Variants in ABTB2 observed in about 807,000 individuals in gnomAD.
ABTB2 encodes the protein ankyrin repeat and BTB domain containing 2, also known as ankyrin repeat and BTB/POZ domain-containing protein 2.
A neutral mutation model predicts 104.1 loss-of-function variants in ABTB2; 56 were observed. The observed-to-expected ratio is 0.54, with a 90% CI of 0.43 to 0.67. The LOEUF (loss-of-function observed/expected upper bound fraction) is 0.67. Among genes scored for constraint, ABTB2 ranks in the 30% least tolerant of loss-of-function variants. The probability of loss-of-function intolerance (pLI) is 0.00; values close to 1 mark genes in which losing one functional copy is unlikely to be tolerated. For synonymous variants in ABTB2, 606 were observed against 608.2 expected (o/e 1.00, Z 0.05); for missense variants, 1,279 against 1,407.7 (o/e 0.91, Z 1.46).
intron 3 of ABTB2, among the ~76,000 whole-genome samples, chr11:34,183,584 C>T (rs10836158): frequency 0.33 from 49,859 of 152,044 alleles, 9,442 homozygotes; most frequent in East Asian, 0.81. Flanking sequence ...CTCCTGCTCA[C>T]CCCCTCAGAA....
chr11:34,198,852 G>A (rs1406522175), intron 2 of ABTB2, among the ~76,000 whole-genome samples: 4 of 152,192 alleles, frequency 2.6e-5, no homozygotes, highest in South Asian at 2.1e-4. Context: ...CAGCTCCTTC[G>A]GGGTCAGCTT....
chr11:34,204,529 T>C lies in ABTB2; in HGVS notation c.1030+15A>G, dbSNP rs779644519. ...GTTGCTCTACCATCCAGCTAGACAC[T>C]GAGGCCACACTTACTCAGCTCCGAG... On this transcript the variant is annotated intron_variant, in intron 2 of 16. Transcript: ENST00000435224. 2.5e-6 allele frequency: 4 copies of C among 1,589,242 alleles called. No individual in the cohort carries two copies. The highest frequency in any genetic ancestry group is 3.5e-5 in the Admixed American group (2 of 57,192).
At chr11:34,187,665 T>C (rs927455227) in intron 3 of ABTB2, among the ~76,000 whole-genome samples, 1 of 152,102 alleles carries the variant, frequency 6.6e-6, no homozygotes, top group South Asian at 2.1e-4. Context: ...CCCAGCTAAT[T>C]TTTATTTTTA....
At chr11:34,352,132 CA>C (rs1467528125) in intron 1 of ABTB2, among the ~76,000 whole-genome samples, 1 of 152,130 alleles carries the variant, frequency 6.6e-6, no homozygotes, top group Non-Finnish European at 1.5e-5. Flanking sequence ...ATTCATCCTA[CA>C]ATCTCATCAC....
chr11:34,202,082 A>G (rs1409754493), intron 2 of ABTB2, among the ~76,000 whole-genome samples: 1 of 152,224 alleles, frequency 6.6e-6, no homozygotes, highest in Non-Finnish European at 1.5e-5. Flanking sequence ...CAATCTCAGG[A>G]AGCTGACTCT....
At chr11:34,325,992 A>AAATAAAATAAAATAAAATAAAAT (rs1855066066) in intron 1 of ABTB2, among the ~76,000 whole-genome samples, 2 of 149,890 alleles carry the variant, frequency 1.3e-5, no homozygotes, top group Admixed American at 6.6e-5. Context: ...AAATAAAATA[A>AAATAAAATAAAATAAAATAAAAT]AATAAAATAA....
intron 4 of ABTB2, 91 bp downstream of exon 4, chr11:34,173,064 C>A (rs1852906254): frequency 1.3e-6 from 2 of 1,536,424 alleles, no homozygotes; most frequent in Admixed American, 3.6e-5. Flanking sequence ...TCTCTGACCC[C>A]CGCCCAGCCA....
At chr11:34,210,691 C>T (rs1590217907) in intron 1 of ABTB2, among the ~76,000 whole-genome samples, 1 of 152,288 alleles carries the variant, frequency 6.6e-6, no homozygotes, top group Non-Finnish European at 1.5e-5. Flanking sequence ...ACCAGCTACC[C>T]GGCTCAGGGA....
chr11:34,312,963 C>CTAAA (rs1232467672), intron 1 of ABTB2, among the ~76,000 whole-genome samples: 1 of 150,960 alleles, frequency 6.6e-6, no homozygotes, highest in Non-Finnish European at 1.5e-5. Context: ...AAACACAGGC[C>CTAAA]TAAATGATTC....
chr11:34,309,881 A>G (rs1001653043), intron 1 of ABTB2, among the ~76,000 whole-genome samples: 1 of 151,836 alleles, frequency 6.6e-6, no homozygotes, highest in Non-Finnish European at 1.5e-5. Context: ...AGCTTTAACA[A>G]ATTTTTCTCA....
chr11:34,167,953 C>T lies in ABTB2; in HGVS notation c.1603G>A (p.Glu535Lys). Residue 535 changes from glutamate to lysine, a missense_variant, in exon 6 of 17, where the codon GAA becomes AAA. By Grantham distance (56) the Glu-to-Lys change is moderately conservative (BLOSUM62 1). Coordinates refer to ENST00000435224, the MANE Select transcript of ABTB2 (RefSeq NM_145804.3). ...PLMYACAAGDEAMVQMLIDAG... is the reference protein window; with the variant it reads ...PLMYACAAGDKAMVQMLIDAG... ...TCAATCAACATCTGGACCATCGCTT[C>T]GTCCCCAGCAGCGCAGGCGTACATC... 2.5e-6 allele frequency: 4 copies of T among 1,614,240 alleles called. No individual in the cohort carries two copies. Among genetic ancestry groups the T allele is most frequent in the Non-Finnish European group, 2.5e-6 (3 of 1,180,048 alleles).
intron 3 of ABTB2, among the ~76,000 whole-genome samples, chr11:34,183,344 C>T (rs1467043251): frequency 6.6e-6 from 1 of 152,214 alleles, no homozygotes; most frequent in Admixed American, 6.5e-5. Flanking sequence ...AAGCCAACTG[C>T]CTACCTTGGC....
chr11:34,164,763 C>T lies in ABTB2; in HGVS notation c.1911G>A (p.Met637Ile), dbSNP rs369224575. ...LSRGADPLLS[M>I]LEAHGMGSSL... ...AGGAGCCCATGCCGTGGGCCTCCAG[C>T]ATGCTGAGGAGGGGGTCGGCGCCTC... Residue 637 changes from methionine to isoleucine, a missense_variant, in exon 9 of 17, where the codon ATG becomes ATA. By Grantham distance (10) the Met-to-Ile change is conservative. Transcript: ENST00000435224. 2 of 1,563,090 alleles carry T rather than the reference C, an allele frequency of 1.3e-6. No homozygotes were observed. The highest frequency in any genetic ancestry group is 1.7e-6 in the Non-Finnish European group (2 of 1,163,932).
At chr11:34,326,880 G>A (rs1855076496) in intron 1 of ABTB2, among the ~76,000 whole-genome samples, 1 of 152,138 alleles carries the variant, frequency 6.6e-6, no homozygotes. Context: ...GATCAGCCTA[G>A]GCAACATGGT....
Position 34,168,024 on chromosome 11 carries a change from T to C in ABTB2, c.1564-32A>G, listed in dbSNP as rs368539730. Reference sequence around the variant, plus strand: ...AAATCAAATGCACGTGCTAAACTGTTTGCAAACAGAACACAACACCATGTG... The same window carrying C: ...AAATCAAATGCACGTGCTAAACTGTCTGCAAACAGAACACAACACCATGTG... On this transcript the variant is annotated intron_variant, in intron 5 of 16. Coordinates refer to ENST00000435224, the MANE Select transcript of ABTB2 (RefSeq NM_145804.3). 15 of 1,603,448 alleles carry C rather than the reference T, an allele frequency of 9.4e-6. No homozygotes were observed. The Admixed American group carries it at 1.5e-4, about 16-fold the overall frequency.
At chr11:34,196,622 T>C (rs1306482389) in intron 3 of ABTB2, among the ~76,000 whole-genome samples, 2 of 152,126 alleles carry the variant, frequency 1.3e-5, no homozygotes, top group Admixed American at 1.3e-4. Context: ...CTCATGCCCC[T>C]CATTGGGTTC....
At chr11:34,159,248 G>C (rs762305139) in intron 14 of ABTB2, 48 bp downstream of exon 14, 4 of 1,477,642 alleles carry the variant, frequency 2.7e-6, no homozygotes, top group Middle Eastern at 2.1e-4. Context: ...TGGGCTCCTG[G>C]GGGAGGGTCA....
At chr11:34,246,057 C>T (rs1251970287) in intron 1 of ABTB2, among the ~76,000 whole-genome samples, 2 of 152,210 alleles carry the variant, frequency 1.3e-5, no homozygotes, top group African/African-American at 4.8e-5. Context: ...TGGCACAAGC[C>T]CCTATAAGGA....
chr11:34,195,969 T>G (rs1466741735), intron 3 of ABTB2, among the ~76,000 whole-genome samples: 1 of 152,136 alleles, frequency 6.6e-6, no homozygotes, highest in Non-Finnish European at 1.5e-5. Context: ...ATCGTCTCCC[T>G]CCAGGTGGGG....
Sources: gnomAD v4.1 joint callset for allele counts (sites outside exome capture counted in the v4.1 genomes callset) on GRCh38, gnomAD v4.1.1 for gene constraint, MANE v1.5 for transcripts, NCBI Gene and HGNC (gene_info 2026-07-23, HGNC 2026-07-21) for gene names.